CPNE3: variants seen among roughly 807,000 people sequenced by gnomAD.
CPNE3 encodes the protein copine 3.
In CPNE3, 68 loss-of-function variants were observed where a neutral mutation model predicts 63.9. The observed-to-expected ratio is 1.06, with a 90% CI of 0.87 to 1.30. The LOEUF (loss-of-function observed/expected upper bound fraction) is 1.30. CPNE3 is among the 50% of genes most tolerant of loss of function. The probability of loss-of-function intolerance (pLI) is 0.00; values close to 1 mark genes in which losing one functional copy is unlikely to be tolerated. For synonymous variants in CPNE3, 219 were observed against 197.5 expected (o/e 1.11, Z -0.91); for missense variants, 665 against 578.1 (o/e 1.15, Z -1.54).
intron 2 of CPNE3, among the ~76,000 whole-genome samples, chr8:86,524,390 G>A (rs771432823): frequency 1.1e-4 from 17 of 152,092 alleles, no homozygotes; most frequent in South Asian, 2.1e-4. Flanking sequence ...GATTCAGAAC[G>A]TTAGGGTGAC....
intron 14 of CPNE3, among the ~76,000 whole-genome samples, chr8:86,553,019 A>G (rs1821228104): frequency 8.5e-6 from 1 of 118,018 alleles, no homozygotes; most frequent in South Asian, 3.0e-4. Flanking sequence ...GCCTGCCACC[A>G]CGCTCGGCTA....
chr8:86,556,315 G>T lies in CPNE3; in HGVS notation c.1468G>T (p.Val490Leu), dbSNP rs1252265974. Residue 490 changes from valine to leucine, a missense_variant, in exon 16 of 17, where the codon GTG becomes TTG. By Grantham distance (32) the Val-to-Leu change is conservative (BLOSUM62 1). Transcript: ENST00000517490. ...EVAIRDIVQF[V>L]PFRQFQNAPK... ...GGCCATCAGAGATATTGTCCAGTTT[G>T]TGCCTTTCAGACAGTTCCAGAATGT... is the stretch of plus-strand genomic sequence containing the variant. 4 of 873,006 alleles carry T rather than the reference G, an allele frequency of 4.6e-6. No homozygotes were observed. The Admixed American group carries it at 5.1e-5, about 11-fold the overall frequency. 54.1% of individuals were successfully genotyped at this position (873,006 alleles called of 1,614,324 possible).
intron 2 of CPNE3, among the ~76,000 whole-genome samples, chr8:86,522,548 CTTTTTTTTT>C (rs36073581): frequency 1.2e-5 from 1 of 82,234 alleles, no homozygotes; most frequent in Non-Finnish European, 2.1e-5. Flanking sequence ...ACGCCCGCTG[CTTTTTTTTT>C]TTTTTTTTTT....
At chr8:86,551,127 T>C in intron 13 of CPNE3, 27 bp downstream of exon 13, 1 of 1,613,210 alleles carries the variant, frequency 6.2e-7, no homozygotes, top group Non-Finnish European at 8.5e-7. Context: ...ATTTTAAAGC[T>C]TTGCCTCCTA....
In CPNE3 at chr8:86,520,593, C is replaced by T. The variant is rs142033266; in HGVS notation, c.-11+5094C>T. 9.7e-3 allele frequency among the ~76,000 whole-genome samples: 1,465 copies of T among 151,380 alleles called. 30 individuals are homozygous for T. The highest frequency in any genetic ancestry group is 0.034 in the African/African-American group (1,396 of 41,260). On this transcript the variant is annotated intron_variant, in intron 2 of 16. Coordinates refer to ENST00000517490, the MANE Select transcript of CPNE3 (RefSeq NM_003909.5). ...ATTTAACAGCTGAAAAAACCTGAAGCCTGGAGAAGTTACAGCAGTTGCCCA... is the reference window on the plus strand; with the variant it reads ...ATTTAACAGCTGAAAAAACCTGAAGTCTGGAGAAGTTACAGCAGTTGCCCA...
chr8:86,552,837 A>ATTT (rs531932518), intron 14 of CPNE3, among the ~76,000 whole-genome samples: 4 of 116,478 alleles, frequency 3.4e-5, no homozygotes, highest in South Asian at 3.0e-4. Context: ...ATTATTATTA[A>ATTT]TTTTTTTTTT....
chr8:86,539,318 G>A (rs1304746384), intron 7 of CPNE3, among the ~76,000 whole-genome samples: 3 of 152,120 alleles, frequency 2.0e-5, no homozygotes, highest in Non-Finnish European at 4.4e-5. Flanking sequence ...TTCTGTCCCA[G>A]AGCTGGTATG....
At chr8:86,546,063 G>A (rs1676467775) in intron 9 of CPNE3, among the ~76,000 whole-genome samples, 1 of 151,978 alleles carries the variant, frequency 6.6e-6, no homozygotes, top group South Asian at 2.1e-4. Context: ...AACAAGAGGA[G>A]GTGTTAGATC....
intron 10 of CPNE3, chr8:86,547,444 C>G: frequency 3.1e-6 from 1 of 327,654 alleles, no homozygotes; most frequent in East Asian, 6.7e-5. Flanking sequence ...GGATTCATTA[C>G]TAATATCTTA....
intron 4 of CPNE3, among the ~76,000 whole-genome samples, chr8:86,529,995 T>G (rs886140809): frequency 4.6e-5 from 7 of 152,182 alleles, no homozygotes; most frequent in Non-Finnish European, 7.4e-5. Context: ...TTTCTTTTTT[T>G]GGGGAAAAAA....
intron 5 of CPNE3, 47 bp downstream of exon 5, chr8:86,531,276 A>G (rs1009358591): frequency 3.5e-6 from 3 of 856,710 alleles, no homozygotes; most frequent in South Asian, 1.3e-5. Flanking sequence ...TTAGCATAAC[A>G]GGACATGCCG....
Position 86,551,064 on chromosome 8 carries a change from T to A in CPNE3, c.1032T>A (p.Ala344=). Reference sequence around the variant, plus strand: ...TTTTTAGTGATAAGATGTTTCCAGCTTTTGGTTTTGGCGCTCAGATACCTC... The same window carrying A: ...TTTTTAGTGATAAGATGTTTCCAGCATTTGGTTTTGGCGCTCAGATACCTC... ...QDYDADKMFP[A]FGFGAQIPPQ... Residue 344 remains alanine (A), a synonymous_variant, in exon 13 of 17, where the codon GCT becomes GCA. Transcript: ENST00000517490. 1 of 1,609,652 alleles carries A rather than the reference T, an allele frequency of 6.2e-7. No homozygotes were observed. The highest frequency in any genetic ancestry group is 8.5e-7 in the Non-Finnish European group (1 of 1,177,814).
At chr8:86,537,974 C>CTG (rs1375995607) in intron 7 of CPNE3, among the ~76,000 whole-genome samples, 2 of 123,806 alleles carry the variant, frequency 1.6e-5, no homozygotes, top group African/African-American at 5.4e-5. Context: ...CTGTCTCTCT[C>CTG]TCTCTCTCTC....
intron 2 of CPNE3, among the ~76,000 whole-genome samples, 186 bp downstream of exon 2, chr8:86,515,685 G>A (rs1407543734): frequency 6.6e-6 from 1 of 152,216 alleles, no homozygotes; most frequent in African/African-American, 2.4e-5. Flanking sequence ...GCCTGTTTCT[G>A]CATTTGTGAA....
intron 9 of CPNE3, 70 bp from the exon 10 acceptor site, chr8:86,546,525 C>T (rs1182664053): frequency 6.6e-7 from 1 of 1,504,702 alleles, no homozygotes; most frequent in African/African-American, 1.4e-5. Context: ...AAAAGTCATT[C>T]ATTTAAAGTC....
intron 2 of CPNE3, among the ~76,000 whole-genome samples, chr8:86,523,877 C>T (rs949507343): frequency 2.0e-5 from 3 of 152,154 alleles, no homozygotes; most frequent in Non-Finnish European, 2.9e-5. Flanking sequence ...TGTGAGCCAC[C>T]GTGCCCGGCC....
chr8:86,528,798 T>A, intron 3 of CPNE3, 121 bp downstream of exon 3: 1 of 1,387,236 alleles, frequency 7.2e-7, no homozygotes, highest in South Asian at 1.5e-5. Flanking sequence ...TTTGTGAAAG[T>A]TTGTCCTTGA....
At position 86,558,480 on chromosome 8, in the gene CPNE3, A is replaced by G. The variant is rs756754114; in HGVS notation, c.*70A>G. The G allele has an allele frequency of 2.3e-6, 2 of 862,958 alleles. No homozygotes were observed. Among genetic ancestry groups the G allele is most frequent in the Non-Finnish European group, 4.1e-6 (2 of 493,668 alleles). 53.5% of individuals were successfully genotyped at this position (862,958 alleles called of 1,614,324 possible). A position where few individuals can be genotyped will look rare whatever the true frequency, so the allele number is the denominator to read the frequency against. On this transcript the variant is annotated 3_prime_UTR_variant, in exon 17 of 17. Coordinates refer to ENST00000517490, the MANE Select transcript of CPNE3 (RefSeq NM_003909.5). ...TCTCACCCCAAATCGTGTATCTGTC[A>G]TTCTACGTACTTTTTACCCCCAGCA...
At chr8:86,534,675 T>A (rs1382657056) in intron 6 of CPNE3, among the ~76,000 whole-genome samples, 1 of 152,070 alleles carries the variant, frequency 6.6e-6, no homozygotes, top group African/African-American at 2.4e-5. Context: ...GGAAAAAAAA[T>A]TTGTAAAATA....
Sources: allele counts gnomAD v4.1 joint callset (sites outside exome capture counted in the v4.1 genomes callset), GRCh38; gene constraint gnomAD v4.1.1; transcripts MANE v1.5; gene names NCBI Gene and HGNC (gene_info 2026-07-23, HGNC 2026-07-21).